Variants in GABRB2 observed in about 807,000 individuals in gnomAD.
The protein encoded by GABRB2 is gamma-aminobutyric acid receptor subunit beta-2.
A neutral mutation model predicts 54.7 loss-of-function variants in GABRB2; 16 were observed. The observed-to-expected ratio is 0.29, with a 90% confidence interval of 0.20 to 0.44. The LOEUF is 0.44. Among genes scored for constraint, GABRB2 ranks in the 20% least tolerant of loss-of-function variants. The pLI, the probability that GABRB2 is intolerant of heterozygous loss-of-function variation, is 1.00. For synonymous variants in GABRB2, 244 were observed against 233.8 expected (o/e 1.04, Z -0.40); for missense variants, 355 against 644.0 (o/e 0.55, Z 4.86).
At chr5:161,450,933 G>T (rs1381830001) in intron 4 of GABRB2, among the ~76,000 whole-genome samples, 2 of 151,976 alleles carry the variant, frequency 1.3e-5, no homozygotes, top group Non-Finnish European at 2.9e-5. Context: ...CTCACATTCT[G>T]TCCAGAAGGA....
At chr5:161,544,524 C>G (rs1760913168) in intron 3 of GABRB2, among the ~76,000 whole-genome samples, 1 of 152,204 alleles carries the variant, frequency 6.6e-6, no homozygotes, top group Admixed American at 6.5e-5. Flanking sequence ...GCTTTTTCCT[C>G]TTAACACTTG....
intron 9 of GABRB2, among the ~76,000 whole-genome samples, chr5:161,298,418 A>G (rs1305239519): frequency 6.6e-6 from 1 of 152,222 alleles, no homozygotes; most frequent in Non-Finnish European, 1.5e-5. Flanking sequence ...GAAGAGAGAC[A>G]CAAAATCTGT....
chr5:161,309,632 ATT>A (rs35978513), intron 9 of GABRB2, among the ~76,000 whole-genome samples: 21,361 of 145,510 alleles, frequency 0.15, 1,614 homozygotes, highest in Non-Finnish European at 0.18. Flanking sequence ...GATAGACTAA[ATT>A]TTTTTTTTTT....
At chr5:161,318,380 A>T (rs1758106174) in intron 9 of GABRB2, among the ~76,000 whole-genome samples, 1 of 151,916 alleles carries the variant, frequency 6.6e-6, no homozygotes, top group Admixed American at 6.6e-5. Flanking sequence ...TCAATCTTTG[A>T]CTTATCTAAA....
intron 3 of GABRB2, among the ~76,000 whole-genome samples, chr5:161,526,737 C>T (rs944014870): frequency 1.3e-5 from 2 of 151,230 alleles, no homozygotes; most frequent in Admixed American, 1.3e-4. Context: ...ATCCCATTGA[C>T]AATAACCATA....
At position 161,289,227 on chromosome 5, in the gene GABRB2, T is replaced by C. The variant is rs1580949203; in HGVS notation, c.*4854A>G. The C allele has an allele frequency of 2.8e-5, 4 of 142,560 alleles. No homozygotes were observed. In the South Asian group the frequency reaches 6.6e-4, roughly 24 times the overall value. The allele number at this position is 142,560 out of a possible 1,614,324, so 8.8% of individuals were successfully genotyped here. A position where few individuals can be genotyped will look rare whatever the true frequency, so the allele number is the denominator to read the frequency against. On this transcript the variant is annotated 3_prime_UTR_variant, in exon 10 of 10. Transcript: ENST00000393959. ...CAAAAACCTAGTAGCTTTTTAAGAG[T>C]GCTGCTTTTTTTTTTTTTTTTTGTA...
intron 5 of GABRB2, among the ~76,000 whole-genome samples, chr5:161,383,236 T>G (rs972517639): frequency 6.6e-6 from 1 of 152,152 alleles, no homozygotes; most frequent in Non-Finnish European, 1.5e-5. Flanking sequence ...CCTGAATGTT[T>G]GTACCCTTTG....
intron 5 of GABRB2, among the ~76,000 whole-genome samples, chr5:161,369,791 T>C (rs1380022888): frequency 2.0e-5 from 3 of 152,200 alleles, no homozygotes; most frequent in South Asian, 4.1e-4. Context: ...CTCTTTAGTG[T>C]ATTTGCCTGA....
chr5:161,541,815 AT>A (rs1477783872), intron 3 of GABRB2, among the ~76,000 whole-genome samples: 1 of 152,140 alleles, frequency 6.6e-6, no homozygotes, highest in Non-Finnish European at 1.5e-5. Context: ...CTTATCTTTC[AT>A]GTGTTCACTG....
intron 3 of GABRB2, among the ~76,000 whole-genome samples, chr5:161,487,635 A>T (rs1478175905): frequency 1.3e-5 from 2 of 151,878 alleles, no homozygotes; most frequent in East Asian, 3.9e-4. Context: ...ATTTGTATGA[A>T]TTTGGCCTGC....
chr5:161,374,861 C>A (rs930902888), intron 5 of GABRB2, among the ~76,000 whole-genome samples: 3 of 152,048 alleles, frequency 2.0e-5, no homozygotes, highest in African/African-American at 7.3e-5. Flanking sequence ...TCTCCTTAAG[C>A]CCAATAATTT....
chr5:161,315,770 T>C (rs1758010722), intron 9 of GABRB2, among the ~76,000 whole-genome samples: 1 of 152,184 alleles, frequency 6.6e-6, no homozygotes. Flanking sequence ...CTCAAACATG[T>C]ATCATTTCCT....
chr5:161,342,007 G>T (rs918527781), intron 5 of GABRB2, among the ~76,000 whole-genome samples: 3 of 142,572 alleles, frequency 2.1e-5, no homozygotes, highest in Non-Finnish European at 4.5e-5. Flanking sequence ...GGAAATTAAG[G>T]TGACTTATTG....
At chr5:161,472,788 C>A (rs889150790) in intron 3 of GABRB2, among the ~76,000 whole-genome samples, 1 of 151,866 alleles carries the variant, frequency 6.6e-6, no homozygotes. Flanking sequence ...ATATGTCCAA[C>A]AAACTAAAAC....
chr5:161,503,295 T>C (rs1216965180), intron 3 of GABRB2, among the ~76,000 whole-genome samples: 2 of 151,728 alleles, frequency 1.3e-5, no homozygotes, highest in Admixed American at 6.6e-5. Context: ...GTAGAAATTC[T>C]AGAATTGAAA....
At chr5:161,434,293 A>C (rs2113186422) in intron 4 of GABRB2, among the ~76,000 whole-genome samples, 1 of 152,300 alleles carries the variant, frequency 6.6e-6, no homozygotes, top group African/African-American at 2.4e-5. Flanking sequence ...TGTAGTCAAG[A>C]CCTAAGAACT....
chr5:161,447,073 C>A (rs936710677), intron 4 of GABRB2, among the ~76,000 whole-genome samples: 1 of 152,114 alleles, frequency 6.6e-6, no homozygotes, highest in Non-Finnish European at 1.5e-5. Context: ...TCTTTACAAA[C>A]AACTTATGTG....
intron 5 of GABRB2, among the ~76,000 whole-genome samples, chr5:161,343,456 G>A (rs1189842059): frequency 1.3e-5 from 2 of 152,032 alleles, no homozygotes; most frequent in Non-Finnish European, 2.9e-5. Flanking sequence ...TAAAATGTCA[G>A]ATTGTGGGTT....
rs549089086 is a variant in GABRB2, at chr5:161,372,556, A to T, written c.542-35787T>A. Among the ~76,000 whole-genome samples the T allele has an allele frequency of 5.3e-5, 8 of 152,248 alleles. No homozygotes were observed. The South Asian group carries it at 1.7e-3, about 32-fold the overall frequency. On this transcript the variant is annotated intron_variant, in intron 5 of 9. Transcript: ENST00000393959. ...AGGATAACTTAGCATCCACTGAGGT[A>T]TGTCTCCCCCTTTTCTTATACTGTT...
Sources: allele counts gnomAD v4.1 joint callset (sites outside exome capture counted in the v4.1 genomes callset), GRCh38; gene constraint gnomAD v4.1.1; transcripts MANE v1.5; gene names NCBI Gene and HGNC (gene_info 2026-07-23, HGNC 2026-07-21).